CD86: variants seen among roughly 807,000 people sequenced by gnomAD.
The protein encoded by CD86 is CD86 molecule.
A neutral mutation model predicts 32.1 loss-of-function variants in CD86; 11 were observed. The ratio of observed to expected loss-of-function variants is 0.34; its 90% confidence interval spans 0.22 to 0.57. The LOEUF (loss-of-function observed/expected upper bound fraction) is 0.57. CD86 is among the 20% of genes least tolerant of loss of function. The pLI, the probability that CD86 is intolerant of heterozygous loss-of-function variation, is 0.86. For missense variants in CD86, 359 were observed against 398.4 expected, an observed-to-expected ratio of 0.90 and a Z score of 0.84; for synonymous variants, 137 against 135.3, an observed-to-expected ratio of 1.01 and a Z score of -0.09.
Position 122,120,385 on chromosome 3 carries a change from CA to C in CD86, c.*853del, listed in dbSNP as rs1273957571. On this transcript the variant is annotated 3_prime_UTR_variant, in exon 7 of 7. Transcript: ENST00000330540. ...GCTGTGAAAGAACCAAAAGAGATCA[CA>C]ATACTCAAAAGAGAGAGAGAGAGAA... 6.6e-6 allele frequency: 1 copy of C among 152,126 alleles called. No individual in the cohort carries two copies. 9.4% of individuals were successfully genotyped at this position (152,126 alleles called of 1,614,324 possible). A position where few individuals can be genotyped will look rare whatever the true frequency, so the allele number is the denominator to read the frequency against.
chr3:122,074,641 G>A (rs1233091872), intron 1 of CD86, among the ~76,000 whole-genome samples: 3 of 152,114 alleles, frequency 2.0e-5, no homozygotes, highest in Admixed American at 2.0e-4. Context: ...AGACTCCCAC[G>A]GGTTTCTGGC....
rs919050590 is a variant in CD86, at chr3:122,120,280, G to A, written c.*746G>A. ...CCCACCCAACAAGCCATAGTGGAGA[G>A]AACTGAATAAACAGGAAAATGCCAG... is the stretch of plus-strand genomic sequence containing the variant. On this transcript the variant is annotated 3_prime_UTR_variant, in exon 7 of 7. Coordinates refer to ENST00000330540, the MANE Select transcript of CD86 (RefSeq NM_175862.5). 1.3e-5 allele frequency: 2 copies of A among 152,246 alleles called. No individual in the cohort carries two copies. The highest frequency in any genetic ancestry group is 1.3e-4 in the Admixed American group (2 of 15,274). The allele number at this position is 152,246 out of a possible 1,614,324, so 9.4% of individuals were successfully genotyped here.
chr3:122,068,840 A>C (rs2072449624), intron 1 of CD86, among the ~76,000 whole-genome samples: 1 of 152,244 alleles, frequency 6.6e-6, no homozygotes, highest in Admixed American at 6.5e-5. Context: ...ATTGGAAAGG[A>C]AGTTAAATCA....
intron 1 of CD86, among the ~76,000 whole-genome samples, chr3:122,067,620 C>T (rs1165380206): frequency 1.3e-5 from 2 of 152,178 alleles, no homozygotes; most frequent in African/African-American, 2.4e-5. Flanking sequence ...CCACCAAATG[C>T]AAAGATCAAA....
chr3:122,088,344 C>T (rs183610958), intron 1 of CD86, among the ~76,000 whole-genome samples: 4 of 152,076 alleles, frequency 2.6e-5, no homozygotes, highest in East Asian at 1.9e-4. Flanking sequence ...TTCTTTTGCC[C>T]GCTTTTAGTT....
At chr3:122,085,302 T>G (rs1336299234) in intron 1 of CD86, among the ~76,000 whole-genome samples, 2 of 152,238 alleles carry the variant, frequency 1.3e-5, no homozygotes, top group East Asian at 3.8e-4. Context: ...CTTCTTATTT[T>G]GTAGTTCAGA....
intron 1 of CD86, among the ~76,000 whole-genome samples, chr3:122,078,218 T>G (rs34865701): frequency 6.6e-6 from 1 of 152,184 alleles, no homozygotes; most frequent in African/African-American, 2.4e-5. Flanking sequence ...ATTGACTACA[T>G]TGGAGGTGGG....
chr3:122,091,977 G>T (rs2107527380), intron 2 of CD86: 2 of 246,564 alleles, frequency 8.1e-6, no homozygotes, highest in African/African-American at 4.4e-5. Context: ...AGGCCCCTGA[G>T]ACTTGACTCT....
intron 1 of CD86, chr3:122,086,436 G>C: frequency 2.7e-6 from 1 of 374,026 alleles, no homozygotes; most frequent in Non-Finnish European, 5.5e-6. Flanking sequence ...CCTGCCCTTT[G>C]CCTGAATGAG....
chr3:122,082,173 G>A (rs2072643967), intron 1 of CD86, among the ~76,000 whole-genome samples: 1 of 152,176 alleles, frequency 6.6e-6, no homozygotes, highest in Non-Finnish European at 1.5e-5. Flanking sequence ...TAGTACTTGT[G>A]ACAGGGAGCT....
intron 2 of CD86, among the ~76,000 whole-genome samples, chr3:122,093,217 C>T (rs1388103202): frequency 6.6e-6 from 1 of 152,142 alleles, no homozygotes; most frequent in Non-Finnish European, 1.5e-5. Flanking sequence ...AGTACAGTGG[C>T]ACAGTCACAG....
At chr3:122,092,692 G>T (rs994087681) in intron 2 of CD86, among the ~76,000 whole-genome samples, 1 of 152,072 alleles carries the variant, frequency 6.6e-6, no homozygotes, top group African/African-American at 2.4e-5. Flanking sequence ...GTCTCCACCT[G>T]CAGGCCTGAG....
At chr3:122,086,581 G>T (rs1458651667) in intron 1 of CD86, 2 of 481,382 alleles carry the variant, frequency 4.2e-6, no homozygotes, top group Non-Finnish European at 8.4e-6. Context: ...TGCACCTGAA[G>T]CCTAAATCCA....
At chr3:122,094,773 G>C (rs2072880400) in intron 2 of CD86, among the ~76,000 whole-genome samples, 1 of 152,228 alleles carries the variant, frequency 6.6e-6, no homozygotes, top group Non-Finnish European at 1.5e-5. Flanking sequence ...TGACACAGTA[G>C]TATTTGCTGC....
At position 122,103,815 on chromosome 3, in the gene CD86, T is replaced by C. The variant is rs749851519; in HGVS notation, c.368T>C (p.Ile123Thr). Residue 123 changes from isoleucine (I) to threonine (T), a missense_variant, in exon 3 of 7, where the codon ATC (isoleucine) becomes ACC (threonine). Coordinates refer to ENST00000330540, the MANE Select transcript of CD86 (RefSeq NM_175862.5). ...HHKKPTGMIR[I>T]HQMNSELSVL... ...AAAAAGCCCACAGGAATGATTCGCA[T>C]CCACCAGATGAATTCTGAACTGTCA... 6 of 1,613,850 alleles carry C rather than the reference T, an allele frequency of 3.7e-6. No homozygotes were observed. The South Asian group carries it at 5.5e-5, about 15-fold the overall frequency.
At chr3:122,089,937 T>C (rs554066031) in intron 1 of CD86, among the ~76,000 whole-genome samples, 1 of 152,336 alleles carries the variant, frequency 6.6e-6, no homozygotes, top group Admixed American at 6.5e-5. Flanking sequence ...CATAGTATGC[T>C]ACCATTTGTG....
At chr3:122,067,544 T>C (rs1193101305) in intron 1 of CD86, among the ~76,000 whole-genome samples, 1 of 152,224 alleles carries the variant, frequency 6.6e-6, no homozygotes, top group East Asian at 1.9e-4. Context: ...ATAATCTCTT[T>C]TGTTTGTATG....
At chr3:122,109,450 C>T (rs746956313) in intron 5 of CD86, 42 bp downstream of exon 5, 26 of 1,610,292 alleles carry the variant, frequency 1.6e-5, no homozygotes, top group Non-Finnish European at 2.2e-5. Context: ...TCACTTTGCA[C>T]CTACTTCCCA....
intron 1 of CD86, among the ~76,000 whole-genome samples, chr3:122,074,106 G>A (rs1333205090): frequency 6.6e-6 from 1 of 152,192 alleles, no homozygotes; most frequent in Admixed American, 6.5e-5. Context: ...GCAGCTCCCT[G>A]CCCCCATGCC....
Sources: gnomAD v4.1 joint callset for allele counts (sites outside exome capture counted in the v4.1 genomes callset) on GRCh38, gnomAD v4.1.1 for gene constraint, MANE v1.5 for transcripts, NCBI Gene and HGNC (gene_info 2026-07-23, HGNC 2026-07-21) for gene names.